Variants in GNA12 observed in about 807,000 individuals in gnomAD.
GNA12 encodes guanine nucleotide-binding protein subunit alpha-12.
GNA12 carries 9 observed loss-of-function variants against 26.0 expected under a neutral mutation model. The observed-to-expected ratio is 0.35, with a 90% CI of 0.21 to 0.60. GNA12 has a LOEUF of 0.60. Ranked by LOEUF, GNA12 falls within the 20% of genes least tolerant of loss-of-function variation. The pLI, the probability that GNA12 is intolerant of heterozygous loss-of-function variation, is 0.78. For synonymous variants in GNA12, 264 were observed against 219.6 expected, an observed-to-expected ratio of 1.20 and a Z score of -1.79; for missense variants, 405 against 525.8, an observed-to-expected ratio of 0.77 and a Z score of 2.25.
At chr7:2,832,908 C>T (rs546427079) in intron 1 of GNA12, among the ~76,000 whole-genome samples, 6 of 152,312 alleles carry the variant, frequency 3.9e-5, no homozygotes, top group Admixed American at 2.6e-4. Context: ...CCAAAGCAGA[C>T]GTTCCAAATG....
chr7:2,781,870 A>G (rs1004973872), intron 2 of GNA12, among the ~76,000 whole-genome samples: 8 of 152,228 alleles, frequency 5.3e-5, no homozygotes, highest in African/African-American at 1.9e-4. Flanking sequence ...TGAGGAAAAG[A>G]AAACAAAGCT....
intron 1 of GNA12, among the ~76,000 whole-genome samples, chr7:2,808,363 C>T (rs1447603578): frequency 1.3e-5 from 2 of 152,234 alleles, no homozygotes; most frequent in Non-Finnish European, 2.9e-5. Context: ...GCTGCTTCTG[C>T]ACCTTCTGCA....
chr7:2,768,672 A>AC (rs956833265), intron 2 of GNA12, among the ~76,000 whole-genome samples: 20 of 134,832 alleles, frequency 1.5e-4, no homozygotes, highest in African/African-American at 4.9e-4. Flanking sequence ...AAGGTAAAAA[A>AC]AAAACAAAAC....
intron 2 of GNA12, among the ~76,000 whole-genome samples, chr7:2,753,012 C>T (rs150914033): frequency 3.9e-5 from 6 of 152,338 alleles, no homozygotes; most frequent in Non-Finnish European, 7.3e-5. Flanking sequence ...CACAGCCATC[C>T]TCCTTCTTCC....
intron 1 of GNA12, among the ~76,000 whole-genome samples, chr7:2,803,298 T>C (rs1195794534): frequency 6.6e-6 from 1 of 152,082 alleles, no homozygotes; most frequent in African/African-American, 2.4e-5. Flanking sequence ...AGACAGGCTG[T>C]GGAGAGCTAA....
chr7:2,792,787 G>A (rs191713752), intron 2 of GNA12, among the ~76,000 whole-genome samples: 10 of 152,294 alleles, frequency 6.6e-5, no homozygotes, highest in Admixed American at 5.9e-4. Context: ...ATGTGCAGAT[G>A]GAAAGGGGCT....
At chr7:2,796,474 C>G (rs1164878110) in intron 1 of GNA12, among the ~76,000 whole-genome samples, 1 of 152,072 alleles carries the variant, frequency 6.6e-6, no homozygotes, top group Non-Finnish European at 1.5e-5. Flanking sequence ...CTATTGTCAT[C>G]ATCACTGAAA....
At chr7:2,743,476 C>T in intron 2 of GNA12, among the ~76,000 whole-genome samples, 1 of 152,178 alleles carries the variant, frequency 6.6e-6, no homozygotes, top group East Asian at 1.9e-4. Context: ...GACTTTAAAG[C>T]AGCTATTATA....
At chr7:2,828,937 G>A (rs1045222021) in intron 1 of GNA12, among the ~76,000 whole-genome samples, 2 of 152,108 alleles carry the variant, frequency 1.3e-5, no homozygotes, top group Non-Finnish European at 2.9e-5. Flanking sequence ...GCCAGGTGTG[G>A]TGGTGTCTGC....
intron 2 of GNA12, among the ~76,000 whole-genome samples, chr7:2,783,231 C>G (rs974836245): frequency 6.6e-6 from 1 of 152,146 alleles, no homozygotes; most frequent in South Asian, 2.1e-4. Flanking sequence ...AAGTGTCTTT[C>G]CAGAGAAAGT....
intron 1 of GNA12, among the ~76,000 whole-genome samples, chr7:2,825,654 T>A (rs775956035): frequency 4.6e-5 from 7 of 152,194 alleles, no homozygotes; most frequent in African/African-American, 1.7e-4. Flanking sequence ...AGGGCCGCTA[T>A]AGTTTTGTAA....
At chr7:2,787,434 C>G (rs1309096436) in intron 2 of GNA12, among the ~76,000 whole-genome samples, 2 of 152,216 alleles carry the variant, frequency 1.3e-5, no homozygotes, top group Non-Finnish European at 2.9e-5. Context: ...ACCCACCGCT[C>G]TGGCCCACCT....
intron 3 of GNA12, among the ~76,000 whole-genome samples, chr7:2,732,920 G>C (rs1789973710): frequency 6.6e-6 from 1 of 152,206 alleles, no homozygotes; most frequent in African/African-American, 2.4e-5. Flanking sequence ...AAATCAACAT[G>C]AAAACATTAA....
intron 2 of GNA12, among the ~76,000 whole-genome samples, chr7:2,759,640 A>C (rs539680148): frequency 2.0e-5 from 3 of 152,194 alleles, no homozygotes; most frequent in Non-Finnish European, 4.4e-5. Context: ...GCAGGTTCAG[A>C]GGTGTTTGTT....
At chr7:2,774,028 G>C (rs1792014116) in intron 2 of GNA12, among the ~76,000 whole-genome samples, 1 of 152,188 alleles carries the variant, frequency 6.6e-6, no homozygotes, top group African/African-American at 2.4e-5. Flanking sequence ...ACCGTGTGAG[G>C]CCACAGATGA....
At chr7:2,771,814 CAT>C (rs112209395) in intron 2 of GNA12, among the ~76,000 whole-genome samples, 5,235 of 152,280 alleles carry the variant, frequency 0.034, 265 homozygotes, top group African/African-American at 0.1. Context: ...AGGGCTAGCT[CAT>C]GTGATAATTG....
intron 1 of GNA12, among the ~76,000 whole-genome samples, chr7:2,828,629 C>T (rs747084179): frequency 2.6e-5 from 4 of 152,196 alleles, no homozygotes; most frequent in Admixed American, 1.3e-4. Flanking sequence ...TACCTTAGGA[C>T]GCTACGTTAA....
chr7:2,843,724 G>A (rs1214830143), intron 1 of GNA12, 129 bp downstream of exon 1: 9 of 446,762 alleles, frequency 2.0e-5, no homozygotes, highest in Non-Finnish European at 7.9e-6. Context: ...TGGGGTGCAG[G>A]CGGGGCTGGA....
chr7:2,766,295 T>C (rs569081543), intron 2 of GNA12, among the ~76,000 whole-genome samples: 1 of 152,340 alleles, frequency 6.6e-6, no homozygotes, highest in African/African-American at 2.4e-5. Context: ...CTGCAGTCTT[T>C]CCTTTTTAAG....
Sources: gnomAD v4.1 joint callset for allele counts (sites outside exome capture counted in the v4.1 genomes callset) on GRCh38, gnomAD v4.1.1 for gene constraint, MANE v1.5 for transcripts, NCBI Gene and HGNC (gene_info 2026-07-23, HGNC 2026-07-21) for gene names.